Variants in PGC observed in about 807,000 individuals in gnomAD.
PGC encodes progastricsin.
In PGC, 31 loss-of-function variants were observed where a neutral mutation model predicts 45.9. The ratio of observed to expected loss-of-function variants is 0.67; its 90% confidence interval spans 0.51 to 0.91. The LOEUF (loss-of-function observed/expected upper bound fraction) is 0.91, where lower values mean the gene tolerates loss of function less well. PGC is among the 40% of genes least tolerant of loss of function. PGC has a pLI of 0.00. For synonymous variants in PGC, 192 were observed against 201.8 expected, an observed-to-expected ratio of 0.95 and a Z score of 0.41; for missense variants, 477 against 493.2, an observed-to-expected ratio of 0.97 and a Z score of 0.31.
At chr6:41,738,148 ATATATATACATATATATG>A in intron 7 of PGC, among the ~76,000 whole-genome samples, 3 of 37,228 alleles carry the variant, frequency 8.1e-5, no homozygotes, top group Non-Finnish European at 1.2e-4. Context: ...ATATATGCAT[ATATATATACATATATATG>A]CATATATATA....
intron 1 of PGC, among the ~76,000 whole-genome samples, chr6:41,745,763 G>A (rs1037013334): frequency 5.0e-4 from 75 of 150,986 alleles, no homozygotes; most frequent in Admixed American, 2.0e-3. Flanking sequence ...TGGTCAGGCT[G>A]GTCTCAAACT....
chr6:41,740,400 A>G, intron 6 of PGC, 91 bp downstream of exon 6: 1 of 1,469,298 alleles, frequency 6.8e-7, no homozygotes, highest in Non-Finnish European at 9.1e-7. Flanking sequence ...GCCCCATCCC[A>G]GAGCAGTGCC....
At chr6:41,737,608 T>C in intron 8 of PGC, 122 bp downstream of exon 8, 1 of 622,378 alleles carries the variant, frequency 1.6e-6, no homozygotes, top group East Asian at 2.7e-5. Context: ...GTGGGGAAGA[T>C]AAATGAGTAC....
Position 41,742,430 on chromosome 6 carries a change from G to C in PGC, c.507C>G (p.Thr169=). The C allele has an allele frequency of 1.2e-6, 2 of 1,614,094 alleles. No homozygotes were observed. Among genetic ancestry groups the C allele is most frequent in the Non-Finnish European group, 1.7e-6 (2 of 1,179,986 alleles). ...EFGLSENEPG[T]NFVYAQFDGI... ...CATCAAACTGCGCATAGACGAAGTT[G>C]GTACCAGGCTCATTCTCACTCAAGC... The change falls in exon 5 of 9, where the codon ACC becomes ACG. Residue 169 remains threonine (T), a synonymous_variant. Transcript: ENST00000373025.
chr6:41,741,792 C>A, intron 5 of PGC: 1 of 1,535,744 alleles, frequency 6.5e-7, no homozygotes, highest in Non-Finnish European at 8.7e-7. Context: ...GCAAGGATAA[C>A]AACCTGCTAG....
intron 8 of PGC, 64 bp downstream of exon 8, chr6:41,737,666 G>T: frequency 1.1e-6 from 1 of 941,672 alleles, no homozygotes. Context: ...CAGCATTTCT[G>T]GCTCCCCAGC....
intron 5 of PGC, chr6:41,741,933 C>T (rs973708536): frequency 3.9e-6 from 4 of 1,013,764 alleles, no homozygotes; most frequent in Admixed American, 2.0e-5. Flanking sequence ...AGGAAGTGAG[C>T]GAACTGCCCC....
At chr6:41,737,709 C>T in intron 8 of PGC, 21 bp downstream of exon 8, 1 of 1,436,334 alleles carries the variant, frequency 7.0e-7, no homozygotes, top group South Asian at 1.1e-5. Context: ...GGTGGCTCAG[C>T]CTGCAGGGAC....
intron 7 of PGC, among the ~76,000 whole-genome samples, chr6:41,738,896 G>A (rs544186055): frequency 6.6e-6 from 1 of 151,314 alleles, no homozygotes; most frequent in Admixed American, 6.6e-5. Context: ...GAAAGTGGAG[G>A]TTGCAGTGAG....
chr6:41,739,808 C>T lies in PGC; in HGVS notation c.906G>A (p.Glu302=), dbSNP rs769759922. The stretch of plus-strand genomic sequence containing the variant: ...CCCTCACCAGTCACACCTGTCCATA[C>T]TCATCCTCCTGGGCCCCTGTGGCCT... The part of the protein sequence containing the change: ...LLQATGAQED[E]YGQFLVNCNS... The change falls in exon 7 of 9, where the codon GAG becomes GAA. Residue 302 remains glutamate (E), a synonymous_variant. Transcript: ENST00000373025. 2.0e-5 allele frequency: 32 copies of T among 1,613,406 alleles called. No individual in the cohort carries two copies. The highest frequency in any genetic ancestry group is 2.7e-5 in the Non-Finnish European group (32 of 1,179,694).
At chr6:41,743,495 C>T (rs376829045) in intron 3 of PGC, 106 bp from the exon 4 acceptor site, 37 of 753,278 alleles carry the variant, frequency 4.9e-5, no homozygotes, top group East Asian at 1.5e-4. Context: ...GCTGCGCTCA[C>T]ATCCTGGGAC....
chr6:41,744,667 G>A lies in PGC; in HGVS notation c.201C>T (p.Ala67=). ...AAGGGTCAGGACTCACATCCATGTA[G>A]GCCATGGGCTCGTAGGTCACGCTGA... ...GDLSVTYEPM[A]YMDAAYFGEI... The change falls in exon 2 of 9, where the codon GCC becomes GCT. Residue 67 remains alanine, a synonymous_variant. Coordinates refer to ENST00000373025, the MANE Select transcript of PGC (RefSeq NM_002630.4). The surrounding 1 kb of genome is among the most constrained non-coding windows in gnomAD (Gnocchi z 4.4). 2 of 1,614,102 alleles carry A rather than the reference G, an allele frequency of 1.2e-6. No homozygotes were observed. The highest frequency in any genetic ancestry group is 1.7e-5 in the Admixed American group (1 of 60,022).
chr6:41,740,988 T>G, intron 5 of PGC: 1 of 1,527,258 alleles, frequency 6.5e-7, no homozygotes. Flanking sequence ...GGCTCCCGAA[T>G]GATGCTGACT....
chr6:41,737,119 CT>C (rs1771700149), intron 8 of PGC, 115 bp from the exon 9 acceptor site: 1 of 1,064,802 alleles, frequency 9.4e-7, no homozygotes, highest in Non-Finnish European at 1.3e-6. Context: ...GCCAGGGTCT[CT>C]GCCTTGAGGG....
At chr6:41,739,743 C>T in intron 7 of PGC, 56 bp downstream of exon 7, 1 of 1,533,316 alleles carries the variant, frequency 6.5e-7, no homozygotes, top group Non-Finnish European at 8.8e-7. Context: ...CAGGAGAAAT[C>T]ATGAATGCCT....
Position 41,745,191 on chromosome 6 carries a change from C to T in PGC, c.60-383G>A, listed in dbSNP as rs78626106. On this transcript the variant is annotated intron_variant, in intron 1 of 8. Transcript: ENST00000373025. ...TTGCTGTCAAATATCCCATAGATTC[C>T]TCCCCAGGAAAGGAAGAGGGACTTT... Among the ~76,000 whole-genome samples the T allele has an allele frequency of 8.2e-3, 1,243 of 152,156 alleles. 20 individuals carry two copies. The highest frequency in any genetic ancestry group is 0.028 in the African/African-American group (1,152 of 41,512).
At position 41,741,086 on chromosome 6, in the gene PGC, C is replaced by T. The variant is rs916048557; in HGVS notation, c.648-476G>A. 14 of 1,537,084 alleles carry T rather than the reference C, an allele frequency of 9.1e-6. No homozygotes were observed. In the East Asian group the frequency reaches 2.0e-4, roughly 21 times the overall value. ...TTCCTGCCTCTGGTAGACATGTCAC[C>T]GGGATCCCCACCCCGGCCCAGCTTG... On this transcript the variant is annotated intron_variant, in intron 5 of 8. Transcript: ENST00000373025.
intron 1 of PGC, among the ~76,000 whole-genome samples, chr6:41,745,363 C>T (rs1309095937): frequency 4.6e-5 from 7 of 151,606 alleles, no homozygotes; most frequent in African/African-American, 1.7e-4. Context: ...CTCAGCCTCC[C>T]GAGTAGCTGG....
chr6:41,744,730 G>A lies in PGC; in HGVS notation c.138C>T (p.His46=), dbSNP rs775249558. 6.2e-7 allele frequency: 1 copy of A among 1,613,990 alleles called. No homozygotes were observed. The highest frequency in any genetic ancestry group is 8.5e-7 in the Non-Finnish European group (1 of 1,179,892). The change falls in exon 2 of 9, where the codon CAC becomes CAT. Residue 46 remains histidine, a synonymous_variant. Transcript: ENST00000373025. The surrounding 1 kb of genome is among the most constrained non-coding windows in gnomAD (Gnocchi z 4.4). ...GGTACTTCCAAGCAGGATCATACTT[G>A]TGGGTCCTCAGGAACTCCCCCAGCA... is the stretch of plus-strand genomic sequence containing the variant. ...KGLLGEFLRT[H]KYDPAWKYRF...
Sources: gnomAD v4.1 joint callset for allele counts (sites outside exome capture counted in the v4.1 genomes callset) on GRCh38, gnomAD v4.1.1 for gene constraint, Gnocchi (gnomAD v3.1) non-coding constraint, MANE v1.5 for transcripts, NCBI Gene and HGNC (gene_info 2026-07-23, HGNC 2026-07-21) for gene names.